PRKRA: variants seen among roughly 807,000 people sequenced by gnomAD.
PRKRA encodes interferon-inducible double-stranded RNA-dependent protein kinase activator A.
In PRKRA, 22 loss-of-function variants were observed where a neutral mutation model predicts 32.4. The ratio of observed to expected loss-of-function variants is 0.68; its 90% CI spans 0.49 to 0.97. PRKRA has a LOEUF of 0.97. PRKRA is among the 50% of genes least tolerant of loss of function. The pLI, the probability that PRKRA is intolerant of heterozygous loss-of-function variation, is 0.00. For missense variants in PRKRA, 319 were observed against 375.6 expected, an observed-to-expected ratio of 0.85 and a Z score of 1.25; for synonymous variants, 139 against 129.8, an observed-to-expected ratio of 1.07 and a Z score of -0.48.
intron 5 of PRKRA, among the ~76,000 whole-genome samples, chr2:178,442,129 C>G (rs1697141393): frequency 6.6e-6 from 1 of 152,144 alleles, no homozygotes; most frequent in African/African-American, 2.4e-5. Context: ...ATATGATCGG[C>G]CCACCTCAGC....
intron 6 of PRKRA, among the ~76,000 whole-genome samples, chr2:178,437,188 A>T (rs1242151337): frequency 6.6e-6 from 1 of 152,226 alleles, no homozygotes; most frequent in Non-Finnish European, 1.5e-5. Context: ...TTTACATTAT[A>T]GAAACTTTAA....
chr2:178,442,557 G>A (rs372540438), intron 5 of PRKRA, among the ~76,000 whole-genome samples: 11 of 152,136 alleles, frequency 7.2e-5, no homozygotes, highest in Non-Finnish European at 1.6e-4. Context: ...TTAACTTCGC[G>A]AATCAAGGAC....
chr2:178,450,626 A>G (rs1432039503), intron 1 of PRKRA: 1 of 1,454,458 alleles, frequency 6.9e-7, no homozygotes, highest in East Asian at 2.5e-5. Flanking sequence ...AGGTCTTTAG[A>G]GAGAGCACTT....
chr2:178,435,753 G>A (rs1404881674), intron 7 of PRKRA, among the ~76,000 whole-genome samples: 8 of 152,184 alleles, frequency 5.3e-5, no homozygotes, highest in African/African-American at 1.2e-4. Flanking sequence ...CCGCTGACTA[G>A]CTATGTGATC....
At position 178,450,716 on chromosome 2, in the gene PRKRA, T is replaced by G; in HGVS notation, c.65+250A>C. On this transcript the variant is annotated intron_variant, in intron 1 of 7. Coordinates refer to ENST00000325748, the MANE Select transcript of PRKRA (RefSeq NM_003690.5). ...CTCTCAGGGAAAACCTGACGATCCC[T>G]TCCCGGGCGCGCCGACCGAGCGTCA... The G allele has an allele frequency of 2.2e-6, 3 of 1,378,730 alleles. No homozygotes were observed. The East Asian group carries it at 8.2e-5, about 38-fold the overall frequency. 85.4% of individuals were successfully genotyped at this position (1,378,730 alleles called of 1,614,324 possible).
In PRKRA at chr2:178,451,085, C is replaced by T. The variant is rs1371713266; in HGVS notation, c.-55G>A. 8.5e-6 allele frequency: 13 copies of T among 1,525,760 alleles called. No individual in the cohort carries two copies. Among genetic ancestry groups the T allele is most frequent in the Admixed American group, 2.0e-5 (1 of 50,670 alleles). 94.5% of individuals were successfully genotyped at this position (1,525,760 alleles called of 1,614,324 possible). A position where few individuals can be genotyped will look rare whatever the true frequency, so the allele number is the denominator to read the frequency against. On this transcript the variant is annotated 5_prime_UTR_variant, in exon 1 of 8. Coordinates refer to ENST00000325748, the MANE Select transcript of PRKRA (RefSeq NM_003690.5). ...GAAGAGCGGTGCGGAGCGACGTGCT[C>T]GCTCCCCGGGTCGCTGGTCCCCGGG...
In PRKRA at chr2:178,432,055, C is replaced by A. The variant is rs1272446825; in HGVS notation, c.*42G>T. ...TACTTGGGAAGGGGCCAGAGGGGAA[C>A]TTTTTATGTGCTACTGAAAGATTTT... On this transcript the variant is annotated 3_prime_UTR_variant, in exon 8 of 8. Coordinates refer to ENST00000325748, the MANE Select transcript of PRKRA (RefSeq NM_003690.5). 43 of 1,609,622 alleles carry A rather than the reference C, an allele frequency of 2.7e-5. No homozygotes were observed. Among genetic ancestry groups the A allele is most frequent in the Non-Finnish European group, 3.4e-5 (40 of 1,176,646 alleles).
intron 6 of PRKRA, among the ~76,000 whole-genome samples, 174 bp downstream of exon 6, chr2:178,441,436 G>A (rs1037297596): frequency 6.6e-6 from 1 of 152,168 alleles, no homozygotes; most frequent in African/African-American, 2.4e-5. Flanking sequence ...TTGCCTCTGT[G>A]ATCCTGACTC....
intron 3 of PRKRA, among the ~76,000 whole-genome samples, chr2:178,445,162 T>G (rs1033424421): frequency 2.2e-4 from 33 of 152,214 alleles, no homozygotes; most frequent in African/African-American, 7.5e-4. Flanking sequence ...ATGGCTTAGA[T>G]GAATTTGGTT....
intron 7 of PRKRA, among the ~76,000 whole-genome samples, chr2:178,435,334 G>C (rs960538180): frequency 7.5e-6 from 1 of 132,754 alleles, no homozygotes; most frequent in Non-Finnish European, 1.5e-5. Context: ...AGTGAGTTGA[G>C]ATTGTGCCAC....
chr2:178,439,494 G>A (rs1442697568), intron 6 of PRKRA: 1 of 152,000 alleles, frequency 6.6e-6, no homozygotes, highest in Non-Finnish European at 1.5e-5. Flanking sequence ...GAATTCTCTT[G>A]TTTCTAGTAG....
intron 6 of PRKRA, among the ~76,000 whole-genome samples, chr2:178,440,671 A>AT (rs1169723841): frequency 1.3e-5 from 2 of 151,584 alleles, no homozygotes; most frequent in Non-Finnish European, 2.9e-5. Flanking sequence ...ATCTCTCTCC[A>AT]TTTTCCCAGC....
chr2:178,449,202 T>C (rs1293370283), intron 2 of PRKRA, among the ~76,000 whole-genome samples: 1 of 132,854 alleles, frequency 7.5e-6, no homozygotes, highest in East Asian at 2.9e-4. Flanking sequence ...ACCCTCCCTT[T>C]TCTTGAATTC....
At position 178,447,482 on chromosome 2, in the gene PRKRA, G is replaced by C. The variant is rs1487129808; in HGVS notation, c.317+23C>G. 3.6e-6 allele frequency: 4 copies of C among 1,123,580 alleles called. No homozygotes were observed. The East Asian group carries it at 1.1e-4, about 31-fold the overall frequency. 69.6% of individuals were successfully genotyped at this position (1,123,580 alleles called of 1,614,324 possible). On this transcript the variant is annotated intron_variant, in intron 3 of 7. Coordinates refer to ENST00000325748, the MANE Select transcript of PRKRA (RefSeq NM_003690.5). ...TCAGCCATGATATTTTTGAGCTGCT[G>C]AATACAAAGAAATTTAGCTCACCAA...
rs1476415928 is a variant in PRKRA, at chr2:178,431,821, C to T, written c.*276G>A. ...TATTTCATCATCAACAACAAACATG[C>T]AGTTTCTTTCTCTGATGTGCATGGC... On this transcript the variant is annotated 3_prime_UTR_variant, in exon 8 of 8. Coordinates refer to ENST00000325748, the MANE Select transcript of PRKRA (RefSeq NM_003690.5). 6.5e-6 allele frequency: 3 copies of T among 461,694 alleles called. No homozygotes were observed. Among genetic ancestry groups the T allele is most frequent in the African/African-American group, 5.9e-5 (3 of 50,552 alleles). 28.6% of individuals were successfully genotyped at this position (461,694 alleles called of 1,614,324 possible). A position where few individuals can be genotyped will look rare whatever the true frequency, so the allele number is the denominator to read the frequency against.
chr2:178,432,782 T>C (rs2154124509), intron 7 of PRKRA, among the ~76,000 whole-genome samples: 1 of 152,346 alleles, frequency 6.6e-6, no homozygotes, highest in East Asian at 1.9e-4. Flanking sequence ...AATGTTTAAT[T>C]GATACATAAT....
intron 4 of PRKRA, chr2:178,443,600 C>A (rs111662983): frequency 1.7e-5 from 8 of 463,276 alleles, no homozygotes; most frequent in Non-Finnish European, 2.8e-5. Context: ...TTTTGTGCTA[C>A]GAATGGTGTT....
chr2:178,441,725 G>C (rs996427974), intron 5 of PRKRA, 21 bp from the exon 6 acceptor site: 4 of 742,078 alleles, frequency 5.4e-6, no homozygotes, highest in Non-Finnish European at 7.9e-6. Context: ...AAAAAGAAAT[G>C]GTAGATTTAG....
chr2:178,436,234 C>T lies in PRKRA; in HGVS notation c.695G>A (p.Ser232Asn), dbSNP rs1696889087. The change falls in exon 7 of 8, where the codon AGC (serine) becomes AAC (asparagine). Residue 232 changes from serine to asparagine, a missense_variant. Ser to Asn is a conservative substitution (Grantham distance 46). Coordinates refer to ENST00000325748, the MANE Select transcript of PRKRA (RefSeq NM_003690.5). ...PGEKINLLKRSLLSIPNTDYI... is the reference protein window; with the variant it reads ...PGEKINLLKRNLLSIPNTDYI... Reference sequence around the variant, plus strand: ...ATCTGTATTTGGAATACTAAGGAGGCTTCTTTTCAGTAAGTTGATCTTTTC... The same window carrying T: ...ATCTGTATTTGGAATACTAAGGAGGTTTCTTTTCAGTAAGTTGATCTTTTC... 1 of 1,613,346 alleles carries T rather than the reference C, an allele frequency of 6.2e-7. No individual in the cohort carries two copies. The highest frequency in any genetic ancestry group is 8.5e-7 in the Non-Finnish European group (1 of 1,179,354).
Sources: allele counts gnomAD v4.1 joint callset (sites outside exome capture counted in the v4.1 genomes callset), GRCh38; gene constraint gnomAD v4.1.1; transcripts MANE v1.5; gene names NCBI Gene and HGNC (gene_info 2026-07-23, HGNC 2026-07-21).